A1CF: variants seen among roughly 807,000 people sequenced by gnomAD.
A1CF encodes APOBEC1 complementation factor.
A neutral mutation model predicts 68.9 loss-of-function variants in A1CF; 48 were observed. The observed-to-expected ratio is 0.70, with a 90% CI of 0.55 to 0.89. A1CF has a LOEUF of 0.89. Ranked by LOEUF, A1CF falls within the 40% of genes least tolerant of loss-of-function variation. The pLI is 0.00. For synonymous variants in A1CF, 272 were observed against 260.4 expected (o/e 1.04, Z -0.43); for missense variants, 653 against 718.9 (o/e 0.91, Z 1.05).
chr10:50,846,193 T>A (rs1839994039), intron 3 of A1CF, among the ~76,000 whole-genome samples: 1 of 152,174 alleles, frequency 6.6e-6, no homozygotes. Context: ...ACGAAATCGT[T>A]AAAAGCATTG....
At chr10:50,882,537 A>G (rs899830355) in intron 1 of A1CF, among the ~76,000 whole-genome samples, 1 of 152,056 alleles carries the variant, frequency 6.6e-6, no homozygotes, top group Non-Finnish European at 1.5e-5. Flanking sequence ...TCAGCAGCAA[A>G]CATTTGTTAA....
chr10:50,850,570 A>G, intron 3 of A1CF: 1 of 1,500,482 alleles, frequency 6.7e-7, no homozygotes, highest in African/African-American at 1.4e-5. Context: ...AGTGTTTTTC[A>G]AAATTAGAAA....
At chr10:50,813,264 C>A (rs1343384902) in intron 10 of A1CF, among the ~76,000 whole-genome samples, 1 of 152,144 alleles carries the variant, frequency 6.6e-6, no homozygotes, top group Non-Finnish European at 1.5e-5. Context: ...ATAATAAAAA[C>A]CACAGGTTAA....
chr10:50,808,954 C>T (rs1837962870), intron 12 of A1CF, among the ~76,000 whole-genome samples: 1 of 150,966 alleles, frequency 6.6e-6, no homozygotes, highest in African/African-American at 2.4e-5. Flanking sequence ...ATGTGGCACA[C>T]GCTGACACAA....
chr10:50,882,819 C>A (rs368386089), intron 1 of A1CF, among the ~76,000 whole-genome samples: 1 of 151,998 alleles, frequency 6.6e-6, no homozygotes, highest in Non-Finnish European at 1.5e-5. Flanking sequence ...GCAATAGTAC[C>A]CACAGTACTA....
chr10:50,868,002 A>G (rs1841074701), intron 1 of A1CF, among the ~76,000 whole-genome samples: 2 of 152,206 alleles, frequency 1.3e-5, no homozygotes, highest in Non-Finnish European at 2.9e-5. Context: ...TAATTGAATG[A>G]GAAGCCACTG....
chr10:50,850,176 A>T (rs1834632164), intron 3 of A1CF, among the ~76,000 whole-genome samples: 1 of 152,192 alleles, frequency 6.6e-6, no homozygotes, highest in African/African-American at 2.4e-5. Flanking sequence ...TCTTCTAAGG[A>T]AACAACTATG....
intron 3 of A1CF, among the ~76,000 whole-genome samples, chr10:50,848,035 A>G (rs1413001517): frequency 6.6e-6 from 1 of 152,154 alleles, no homozygotes; most frequent in Non-Finnish European, 1.5e-5. Context: ...AAAAAACAAC[A>G]ACTATCTCCA....
intron 5 of A1CF, among the ~76,000 whole-genome samples, chr10:50,837,324 T>C (rs1236626486): frequency 6.6e-6 from 1 of 152,210 alleles, no homozygotes; most frequent in African/African-American, 2.4e-5. Flanking sequence ...TCTTAGCAAG[T>C]TGAGGTATGT....
chr10:50,818,555 T>C (rs1191584275), intron 8 of A1CF, among the ~76,000 whole-genome samples: 2 of 152,160 alleles, frequency 1.3e-5, no homozygotes. Context: ...GGCTGTTCCT[T>C]CCCAGCAATC....
chr10:50,816,451 G>T, intron 8 of A1CF, 172 bp from the exon 9 acceptor site: 1 of 724,536 alleles, frequency 1.4e-6, no homozygotes, highest in Non-Finnish European at 2.2e-6. Context: ...CTTTTTCTGA[G>T]CCATTTTGTT....
At chr10:50,840,510 G>T (rs1050526283) in intron 5 of A1CF, among the ~76,000 whole-genome samples, 4 of 152,166 alleles carry the variant, frequency 2.6e-5, no homozygotes, top group African/African-American at 9.7e-5. Flanking sequence ...GTGGCTCAGG[G>T]CTTCCTTTAA....
At chr10:50,816,325 T>C (rs781390738) in intron 8 of A1CF, 46 bp from the exon 9 acceptor site, 13 of 1,591,192 alleles carry the variant, frequency 8.2e-6, no homozygotes, top group Middle Eastern at 3.4e-4. Context: ...GATATGAAGA[T>C]AACCAAGTGT....
Position 50,828,141 on chromosome 10 carries a change from A to G in A1CF, c.759T>C (p.Asn253=), listed in dbSNP as rs762912356. ...GTATATATGTCCTACCTGGTTTGAT[A>G]TTGTTGAATTCCTTTTCAATCATCT... ...SEEMIEKEFN[N]IKPGAVERVK... Residue 253 remains asparagine, a synonymous_variant, in exon 7 of 13, where the codon AAT becomes AAC. Coordinates refer to ENST00000373997, the MANE Select transcript of A1CF (RefSeq NM_014576.4). 4 of 1,584,402 alleles carry G rather than the reference A, an allele frequency of 2.5e-6. No individual in the cohort carries two copies. The highest frequency in any genetic ancestry group is 3.4e-5 in the Admixed American group (2 of 58,240).
At position 50,810,029 on chromosome 10, in the gene A1CF, G is replaced by T. The variant is rs1360104120; in HGVS notation, c.1474C>A (p.Pro492Thr). Reference protein sequence around the residue: ...SQNPAIHPFTPPKLSAFVDEA... With the variant: ...SQNPAIHPFTTPKLSAFVDEA... ...TCCACAAAGGCACTCAGCTTTGGAG[G>T]TGTGAAAGGGTGGCTGGAAAGCAAG... The change falls in exon 12 of 13, where the codon CCT becomes ACT. Residue 492 changes from proline (P) to threonine (T), a missense_variant. By Grantham distance (38) the Pro-to-Thr change is conservative. Transcript: ENST00000373997. 17 of 1,613,818 alleles carry T rather than the reference G, an allele frequency of 1.1e-5. No homozygotes were observed. Among genetic ancestry groups the T allele is most frequent in the Admixed American group, 1.7e-5 (1 of 59,964 alleles).
At chr10:50,848,956 T>C (rs1589016770) in intron 3 of A1CF, among the ~76,000 whole-genome samples, 2 of 152,336 alleles carry the variant, frequency 1.3e-5, no homozygotes, top group Middle Eastern at 3.4e-3. Context: ...CACTCTTGAC[T>C]GTGTCACTTG....
chr10:50,820,404 A>G (rs1178092932), intron 8 of A1CF, 148 bp downstream of exon 8: 1 of 540,784 alleles, frequency 1.8e-6, no homozygotes, highest in Non-Finnish European at 3.1e-6. Flanking sequence ...ATTTTCCATC[A>G]TTTCTCTTTA....
intron 8 of A1CF, chr10:50,816,509 A>G (rs1838379700): frequency 1.9e-6 from 1 of 526,536 alleles, no homozygotes. Context: ...CATATTGGCC[A>G]GTGTCCATTG....
At chr10:50,846,489 A>T (rs985236457) in intron 3 of A1CF, among the ~76,000 whole-genome samples, 16 of 152,206 alleles carry the variant, frequency 1.1e-4, no homozygotes, top group Non-Finnish European at 1.8e-4. Context: ...TGTCTGTAAC[A>T]TTCAACAGAT....
Sources: gnomAD v4.1 joint callset for allele counts (sites outside exome capture counted in the v4.1 genomes callset) on GRCh38, gnomAD v4.1.1 for gene constraint, MANE v1.5 for transcripts, NCBI Gene and HGNC (gene_info 2026-07-23, HGNC 2026-07-21) for gene names.